The following RPGRIP1L variants were observed in gnomAD, a reference collection of about 807,000 sequenced individuals.
RPGRIP1L encodes the protein protein fantom.
Under a neutral mutation model 160.4 loss-of-function variants are expected in RPGRIP1L, and 131 were observed. The observed-to-expected ratio is 0.82, with a 90% CI of 0.71 to 0.94. The LOEUF (loss-of-function observed/expected upper bound fraction) is 0.94. Among genes scored for constraint, RPGRIP1L ranks in the 40% least tolerant of loss-of-function variants. The pLI is 0.00. For synonymous variants in RPGRIP1L, 510 were observed against 515.8 expected, an observed-to-expected ratio of 0.99 and a Z score of 0.15; for missense variants, 1,522 against 1,535.8, an observed-to-expected ratio of 0.99 and a Z score of 0.15.
chr16:53,702,570 A>G (rs781691064), intron 1 of RPGRIP1L, among the ~76,000 whole-genome samples: 2 of 152,082 alleles, frequency 1.3e-5, no homozygotes, highest in Non-Finnish European at 2.9e-5. Context: ...AGGCCTTTGT[A>G]TTAGCTGGTT....
chr16:53,624,946 G>A (rs1313167924), intron 22 of RPGRIP1L, among the ~76,000 whole-genome samples: 1 of 152,092 alleles, frequency 6.6e-6, no homozygotes, highest in Non-Finnish European at 1.5e-5. Flanking sequence ...TTGTATTTTT[G>A]GTGGAGACAG....
At chr16:53,659,636 A>C (rs1567850461) in intron 10 of RPGRIP1L, 1 of 152,198 alleles carries the variant, frequency 6.6e-6, no homozygotes, top group South Asian at 2.1e-4. Flanking sequence ...TAATCTCAGC[A>C]CTTTGGGAGG....
intron 1 of RPGRIP1L, among the ~76,000 whole-genome samples, chr16:53,702,399 T>G (rs1040202497): frequency 6.6e-6 from 1 of 152,200 alleles, no homozygotes; most frequent in East Asian, 1.9e-4. Flanking sequence ...AATAATGAAT[T>G]ATCCAGCCCA....
Position 53,672,606 on chromosome 16 carries a change from A to T in RPGRIP1L, c.1029+264T>A, listed in dbSNP as rs552981038. Among the ~76,000 whole-genome samples the T allele has an allele frequency of 8.5e-5, 13 of 152,278 alleles. No individual in the cohort carries two copies. In the East Asian group the frequency reaches 2.5e-3, roughly 29 times the overall value. ...AGTTAAGTTCCATAGGTAATCTGGC[A>T]TCAGTTTCAAAATGCTGGTTTCATT... On this transcript the variant is annotated intron_variant, in intron 8 of 26. Coordinates refer to ENST00000647211, the MANE Select transcript of RPGRIP1L (RefSeq NM_015272.5).
rs906313322 is a variant in RPGRIP1L at position 53,626,761 on chromosome 16, C to A, written c.3295-4405G>T. Among the ~76,000 whole-genome samples the A allele has an allele frequency of 1.0e-4, 15 of 146,206 alleles. No homozygotes were observed. The East Asian group carries it at 2.0e-3, about 20-fold the overall frequency. On this transcript the variant is annotated intron_variant, in intron 22 of 26. Transcript: ENST00000647211. ...CAGAGGTTTCAGTGAGGTGAGACTGCACTACTACACTCCACCCTGGGTGAC... is the reference window on the plus strand; with the variant it reads ...CAGAGGTTTCAGTGAGGTGAGACTGAACTACTACACTCCACCCTGGGTGAC...
At chr16:53,624,987 A>T (rs1433537585) in intron 22 of RPGRIP1L, among the ~76,000 whole-genome samples, 1 of 152,108 alleles carries the variant, frequency 6.6e-6, no homozygotes, top group African/African-American at 2.4e-5. Flanking sequence ...GCTGGTATCC[A>T]GCTCCTGACC....
At chr16:53,625,509 G>A (rs1311303475) in intron 22 of RPGRIP1L, among the ~76,000 whole-genome samples, 2 of 135,602 alleles carry the variant, frequency 1.5e-5, no homozygotes, top group Admixed American at 7.2e-5. Context: ...CGGCCGCCCC[G>A]TCTAGGGGGT....
chr16:53,646,153 T>C (rs1457772501), intron 16 of RPGRIP1L, 150 bp from the exon 17 acceptor site: 1 of 723,506 alleles, frequency 1.4e-6, no homozygotes. Flanking sequence ...TTTATTCTAA[T>C]GGAAAATCAA....
intron 16 of RPGRIP1L, among the ~76,000 whole-genome samples, chr16:53,648,643 C>CACACAT (rs1966745678): frequency 6.6e-6 from 1 of 151,904 alleles, no homozygotes; most frequent in African/African-American, 2.4e-5. Context: ...CACACACACA[C>CACACAT]ACACACACAC....
intron 23 of RPGRIP1L, 145 bp downstream of exon 23, chr16:53,622,074 C>T (rs1242382973): frequency 4.6e-5 from 7 of 152,328 alleles, no homozygotes; most frequent in Non-Finnish European, 8.7e-5. Flanking sequence ...GTATAAAGAT[C>T]TGAAGATTGG....
At chr16:53,653,065 A>T in intron 14 of RPGRIP1L, 78 bp from the exon 15 acceptor site, 2 of 1,173,082 alleles carry the variant, frequency 1.7e-6, no homozygotes, top group Non-Finnish European at 2.5e-6. Flanking sequence ...GAAGTGTAAG[A>T]ATGAGTACTT....
At position 53,649,092 on chromosome 16, in the gene RPGRIP1L, A is replaced by G; in HGVS notation, c.2176T>C (p.Phe726Leu). The change falls in exon 16 of 27, where the codon TTT becomes CTT. Residue 726 changes from phenylalanine (F) to leucine (L), a missense_variant. Coordinates refer to ENST00000647211, the MANE Select transcript of RPGRIP1L (RefSeq NM_015272.5). Reference protein sequence around the residue: ...LIGTKGDIPNFGTVEYWFRLR... With the variant: ...LIGTKGDIPNLGTVEYWFRLR... ...CGGAACCAGTATTCCACTGTGCCAAAATTTGGGATGTCTCCTTTTGTTCCT... is the reference window on the plus strand; with the variant it reads ...CGGAACCAGTATTCCACTGTGCCAAGATTTGGGATGTCTCCTTTTGTTCCT... 6.2e-7 allele frequency: 1 copy of G among 1,614,096 alleles called. No homozygotes were observed. Among genetic ancestry groups the G allele is most frequent in the South Asian group, 1.1e-5 (1 of 91,066 alleles).
At chr16:53,636,931 T>C (rs1965871423) in intron 21 of RPGRIP1L, among the ~76,000 whole-genome samples, 1 of 142,840 alleles carries the variant, frequency 7.0e-6, no homozygotes, top group Admixed American at 7.4e-5. Context: ...ACAATTAAAC[T>C]GCAATATTTG....
intron 2 of RPGRIP1L, among the ~76,000 whole-genome samples, chr16:53,699,192 C>A (rs1330027579): frequency 6.6e-6 from 1 of 151,898 alleles, no homozygotes; most frequent in Non-Finnish European, 1.5e-5. Flanking sequence ...TTGAAGGCAG[C>A]ATGCTCGTTA....
rs1252193112 is a variant in RPGRIP1L at position 53,692,134 on chromosome 16, T to G, written c.461A>C (p.Gln154Pro). 7 of 1,614,046 alleles carry G rather than the reference T, an allele frequency of 4.3e-6. No homozygotes were observed. The Admixed American group carries it at 6.7e-5, about 15-fold the overall frequency. Residue 154 changes from glutamine (Q) to proline (P), a missense_variant, in exon 4 of 27, where the codon CAA (glutamine) becomes CCA (proline). Gln to Pro is a moderately conservative substitution (Grantham distance 76, BLOSUM62 -1). Transcript: ENST00000647211. Reference sequence around the variant, plus strand: ...TCTACGCCCAGTGTTAATACGAGATTGTACATTATTGTATGGAGTTTGCCT... The same window carrying G: ...TCTACGCCCAGTGTTAATACGAGATGGTACATTATTGTATGGAGTTTGCCT... Reference protein sequence around the residue: ...GYRQTPYNNVQSRINTGRRKA... With the variant: ...GYRQTPYNNVPSRINTGRRKA...
At chr16:53,659,009 C>A in intron 10 of RPGRIP1L, 131 bp from the exon 11 acceptor site, 1 of 728,578 alleles carries the variant, frequency 1.4e-6, no homozygotes, top group Non-Finnish European at 2.3e-6. Context: ...GGAAACTGAG[C>A]TAGCACCTCG....
At chr16:53,696,603 A>C (rs1970777570) in intron 2 of RPGRIP1L, among the ~76,000 whole-genome samples, 1 of 152,192 alleles carries the variant, frequency 6.6e-6, no homozygotes, top group Non-Finnish European at 1.5e-5. Flanking sequence ...AAGACTTTTG[A>C]ATTTACCTGC....
rs763859389 is a variant in RPGRIP1L, at chr16:53,675,046, T to C, written c.853A>G (p.Met285Val). Residue 285 changes from methionine (M) to valine (V), a missense_variant, in exon 7 of 27, where the codon ATG becomes GTG. By Grantham distance (21) the Met-to-Val change is conservative. Transcript: ENST00000647211. ...LVEKSNALSA[M>V]EGKFIQLQEK... ...TGAAGCTGAATAAATTTTCCTTCCATTGCTGAAAGAGCATTGCTTTTCTCT... is the reference window on the plus strand; with the variant it reads ...TGAAGCTGAATAAATTTTCCTTCCACTGCTGAAAGAGCATTGCTTTTCTCT... The C allele has an allele frequency of 7.5e-6, 12 of 1,609,470 alleles. No individual in the cohort carries two copies. The African/African-American group carries it at 9.4e-5, about 13-fold the overall frequency.
At chr16:53,687,763 A>T (rs542605718) in intron 5 of RPGRIP1L, 100 bp downstream of exon 5, 1 of 771,448 alleles carries the variant, frequency 1.3e-6, no homozygotes, top group Non-Finnish European at 2.3e-6. Context: ...ATTTCAGTGG[A>T]GCAAACTGTT....
Sources: allele counts gnomAD v4.1 joint callset (sites outside exome capture counted in the v4.1 genomes callset), GRCh38; gene constraint gnomAD v4.1.1; transcripts MANE v1.5; gene names NCBI Gene and HGNC (gene_info 2026-07-23, HGNC 2026-07-21).